Variants in MALRD1 observed in about 807,000 individuals in gnomAD.
MALRD1 encodes the protein MAM and LDL-receptor class A domain-containing protein 1.
A neutral mutation model predicts 242.1 loss-of-function variants in MALRD1; 247 were observed. The observed-to-expected ratio is 1.02, with a 90% CI of 0.92 to 1.13. The LOEUF is 1.13. MALRD1 is among the 50% of genes most tolerant of loss of function. The probability of loss-of-function intolerance (pLI) is 0.00; values close to 1 mark genes in which losing one functional copy is unlikely to be tolerated. For missense variants in MALRD1, 2,989 were observed against 2,533.1 expected, an observed-to-expected ratio of 1.18 and a Z score of -3.86; for synonymous variants, 995 against 866.6, an observed-to-expected ratio of 1.15 and a Z score of -2.60.
chr10:19,463,533 G>T (rs962898834), intron 29 of MALRD1, among the ~76,000 whole-genome samples: 1 of 149,132 alleles, frequency 6.7e-6, no homozygotes, highest in African/African-American at 2.5e-5. Context: ...CCACTAATTC[G>T]TTCCCTTTCG....
At chr10:19,518,824 A>C (rs1197699746) in intron 31 of MALRD1, among the ~76,000 whole-genome samples, 2 of 152,222 alleles carry the variant, frequency 1.3e-5, no homozygotes, top group Admixed American at 1.3e-4. Flanking sequence ...TTTTAGTGGC[A>C]ATTGCCATTC....
intron 28 of MALRD1, among the ~76,000 whole-genome samples, chr10:19,438,156 A>G (rs1450122062): frequency 1.3e-5 from 2 of 151,718 alleles, no homozygotes; most frequent in Non-Finnish European, 2.9e-5. Context: ...CCACCATTTC[A>G]CTTTCTGTCT....
intron 21 of MALRD1, among the ~76,000 whole-genome samples, chr10:19,288,355 A>G (rs78994152): frequency 0.12 from 17,869 of 152,042 alleles, 1,132 homozygotes; most frequent in East Asian, 0.17. Flanking sequence ...TATCGATGAT[A>G]ACAACCCTGT....
chr10:19,495,324 G>C (rs1183373175), intron 30 of MALRD1, among the ~76,000 whole-genome samples: 1 of 151,596 alleles, frequency 6.6e-6, no homozygotes, highest in Non-Finnish European at 1.5e-5. Context: ...AAAGGTTAAA[G>C]ATAGCTAAAA....
chr10:19,144,702 T>A (rs1226601810), intron 10 of MALRD1, among the ~76,000 whole-genome samples: 1 of 152,218 alleles, frequency 6.6e-6, no homozygotes, highest in African/African-American at 2.4e-5. Flanking sequence ...CTTCGGAATA[T>A]GAGCTTTTGG....
At chr10:19,094,861 A>G (rs1163966656) in intron 4 of MALRD1, among the ~76,000 whole-genome samples, 2 of 152,220 alleles carry the variant, frequency 1.3e-5, no homozygotes. Flanking sequence ...CAGCCTAATA[A>G]AACTTATGCA....
At chr10:19,563,928 A>T (rs543915961) in intron 32 of MALRD1, among the ~76,000 whole-genome samples, 1 of 152,162 alleles carries the variant, frequency 6.6e-6, no homozygotes, top group African/African-American at 2.4e-5. Flanking sequence ...AAAGTGTGGC[A>T]CACCGCCCGC....
chr10:19,590,121 T>C (rs1372655059), intron 33 of MALRD1, among the ~76,000 whole-genome samples: 1 of 152,106 alleles, frequency 6.6e-6, no homozygotes, highest in Non-Finnish European at 1.5e-5. Flanking sequence ...CAAAATGTTA[T>C]GCATTTACTT....
chr10:19,294,851 G>C (rs1336543658), intron 21 of MALRD1, among the ~76,000 whole-genome samples: 1 of 152,010 alleles, frequency 6.6e-6, no homozygotes, highest in Admixed American at 6.6e-5. Context: ...ATATAGATAA[G>C]AAAGACAATA....
chr10:19,226,091 A>T (rs1440919340), intron 18 of MALRD1, among the ~76,000 whole-genome samples: 2 of 152,166 alleles, frequency 1.3e-5, no homozygotes, highest in African/African-American at 4.8e-5. Flanking sequence ...ATGAACTTAG[A>T]TGCAACATTC....
At chr10:19,632,557 A>G (rs1168125633) in intron 36 of MALRD1, among the ~76,000 whole-genome samples, 1 of 152,126 alleles carries the variant, frequency 6.6e-6, no homozygotes, top group Non-Finnish European at 1.5e-5. Context: ...AAACCTAAGG[A>G]ATAATGATTT....
intron 28 of MALRD1, among the ~76,000 whole-genome samples, chr10:19,420,366 T>G (rs562139874): frequency 6.6e-6 from 1 of 150,532 alleles, no homozygotes; most frequent in Non-Finnish European, 1.5e-5. Context: ...AGTTTAAAAG[T>G]AGAAGGCAAA....
At chr10:19,367,606 C>G (rs1039206643) in intron 26 of MALRD1, among the ~76,000 whole-genome samples, 7 of 152,078 alleles carry the variant, frequency 4.6e-5, no homozygotes, top group Non-Finnish European at 8.8e-5. Context: ...GATGTACTAA[C>G]TATTTTTCCT....
chr10:19,158,780 C>A (rs1834273036), intron 12 of MALRD1, among the ~76,000 whole-genome samples: 2 of 152,138 alleles, frequency 1.3e-5, no homozygotes, highest in South Asian at 4.1e-4. Context: ...ATGCTGCAAG[C>A]TACAAGAGGG....
chr10:19,103,558 A>AAAAAAAT lies in MALRD1; in HGVS notation c.598-415_598-414insTAAAAAA, dbSNP rs1554789187. On this transcript the variant is annotated intron_variant, in intron 4 of 39. Coordinates refer to ENST00000454679, the MANE Select transcript of MALRD1 (RefSeq NM_001142308.3). ...AAAAGCGAGACTCCGTCTCAAAAAAAAAAAAAATAAATAAAGATTTAGAGA... is the reference window on the plus strand; with the variant it reads ...AAAAGCGAGACTCCGTCTCAAAAAAAAAAAAATAAAAAAATAAATAAAGATTTAGAGA... Among the ~76,000 whole-genome samples the AAAAAAAT allele has an allele frequency of 6.7e-3, 1,002 of 149,218 alleles. 32 individuals carry two copies. Among genetic ancestry groups the AAAAAAAT allele is most frequent in the African/African-American group, 0.023 (896 of 39,378 alleles).
intron 1 of MALRD1, chr10:19,052,143 CT>C: frequency 2.2e-6 from 1 of 444,780 alleles, no homozygotes; most frequent in Non-Finnish European, 4.4e-6. Context: ...CTTGCAAGAG[CT>C]TTGGTGCCTA....
chr10:19,081,023 T>A (rs879812530), intron 2 of MALRD1, among the ~76,000 whole-genome samples: 2 of 151,960 alleles, frequency 1.3e-5, no homozygotes, highest in Non-Finnish European at 2.9e-5. Flanking sequence ...AACCTCAACA[T>A]CATTGATTAG....
chr10:19,488,093 A>G (rs1271969604), intron 29 of MALRD1, among the ~76,000 whole-genome samples: 1 of 140,242 alleles, frequency 7.1e-6, no homozygotes, highest in Admixed American at 7.0e-5. Flanking sequence ...GTTGAAGTTG[A>G]TAAAAAAAAT....
At chr10:19,282,008 A>G (rs1365514490) in intron 20 of MALRD1, among the ~76,000 whole-genome samples, 1 of 151,342 alleles carries the variant, frequency 6.6e-6, no homozygotes, top group Non-Finnish European at 1.5e-5. Flanking sequence ...CATGAGATCT[A>G]CCATCTTAAC....
Sources: allele counts gnomAD v4.1 joint callset (sites outside exome capture counted in the v4.1 genomes callset), GRCh38; gene constraint gnomAD v4.1.1; transcripts MANE v1.5; gene names NCBI Gene and HGNC (gene_info 2026-07-23, HGNC 2026-07-21).